The following ANO6 variants were observed in gnomAD, a reference collection of about 807,000 sequenced individuals.
ANO6 encodes the protein anoctamin 6.
In ANO6, 106 loss-of-function variants were observed where a neutral mutation model predicts 117.5. The observed-to-expected ratio is 0.90, with a 90% CI of 0.77 to 1.06. The LOEUF is 1.06. Ranked by LOEUF, ANO6 falls within the 50% of genes least tolerant of loss-of-function variation. The pLI is 0.00. For missense variants in ANO6, 955 were observed against 1,121.1 expected (o/e 0.85, Z 2.12); for synonymous variants, 367 against 385.1 (o/e 0.95, Z 0.55).
At chr12:45,332,432 T>TA (rs750898241) in intron 3 of ANO6, among the ~76,000 whole-genome samples, 4 of 152,054 alleles carry the variant, frequency 2.6e-5, no homozygotes, top group Non-Finnish European at 5.9e-5. Flanking sequence ...TAAAACCTTT[T>TA]AAAAAATGAA....
At chr12:45,303,894 T>C (rs1939580140) in intron 2 of ANO6, among the ~76,000 whole-genome samples, 1 of 152,210 alleles carries the variant, frequency 6.6e-6, no homozygotes, top group Admixed American at 6.5e-5. Context: ...ACAGAATTAT[T>C]GAGAGTCATA....
intron 7 of ANO6, among the ~76,000 whole-genome samples, chr12:45,352,814 T>A (rs1296294391): frequency 1.3e-5 from 2 of 152,182 alleles, no homozygotes. Context: ...AATGGTTTTT[T>A]AGTTCAAAGC....
intron 1 of ANO6, among the ~76,000 whole-genome samples, chr12:45,221,402 A>G (rs1378043972): frequency 6.6e-6 from 1 of 152,218 alleles, no homozygotes; most frequent in Non-Finnish European, 1.5e-5. Context: ...AGGAAAATGT[A>G]GTGCAGAGAT....
chr12:45,401,563 G>A (rs1299975093), intron 12 of ANO6, among the ~76,000 whole-genome samples: 1 of 152,082 alleles, frequency 6.6e-6, no homozygotes, highest in East Asian at 1.9e-4. Flanking sequence ...CCTGCACCCA[G>A]TTTCTCCTCT....
At chr12:45,334,621 AT>A (rs1940771929) in intron 3 of ANO6, among the ~76,000 whole-genome samples, 1 of 152,062 alleles carries the variant, frequency 6.6e-6, no homozygotes, top group South Asian at 2.1e-4. Context: ...TATGAATGGA[AT>A]TATTGCATAG....
chr12:45,342,895 G>A (rs1941020621), intron 3 of ANO6, among the ~76,000 whole-genome samples: 2 of 152,124 alleles, frequency 1.3e-5, no homozygotes, highest in African/African-American at 4.8e-5. Context: ...AGAAAAATGG[G>A]AGGTATTGCC....
chr12:45,410,052 G>A (rs1354665853), intron 16 of ANO6, among the ~76,000 whole-genome samples: 4 of 152,162 alleles, frequency 2.6e-5, no homozygotes, highest in Non-Finnish European at 4.4e-5. Context: ...CACTGGGCCC[G>A]GCCATCTTTA....
At chr12:45,288,731 A>T (rs902556693) in intron 1 of ANO6, among the ~76,000 whole-genome samples, 2 of 152,076 alleles carry the variant, frequency 1.3e-5, no homozygotes, top group Non-Finnish European at 2.9e-5. Context: ...ATATATTATA[A>T]TACATAACTT....
intron 12 of ANO6, among the ~76,000 whole-genome samples, chr12:45,396,606 A>G (rs1942621846): frequency 6.6e-6 from 1 of 152,254 alleles, no homozygotes; most frequent in Non-Finnish European, 1.5e-5. Context: ...TACAGTAACC[A>G]AAACAGCATG....
Position 45,316,454 on chromosome 12 carries a change from T to C in ANO6, c.150+14361T>C, listed in dbSNP as rs1363012081. ...AAAGGAGATTCTAGGAAGAGGGAAC[T>C]GCATGTGCAAAGATAGGAGGGAAAT... On this transcript the variant is annotated intron_variant, in intron 2 of 19. Coordinates refer to ENST00000320560, the MANE Select transcript of ANO6 (RefSeq NM_001025356.3). 2.0e-5 allele frequency among the ~76,000 whole-genome samples: 3 copies of C among 152,200 alleles called. No homozygotes were observed. In the East Asian group the frequency reaches 5.8e-4, roughly 29 times the overall value.
intron 3 of ANO6, chr12:45,335,442 A>C (rs571694164): frequency 6.6e-6 from 1 of 151,988 alleles, no homozygotes; most frequent in Non-Finnish European, 1.5e-5. Flanking sequence ...AAGTTTTACT[A>C]TGATGAACAT....
At chr12:45,396,463 G>A (rs887547721) in intron 12 of ANO6, among the ~76,000 whole-genome samples, 1 of 152,146 alleles carries the variant, frequency 6.6e-6, no homozygotes, top group Non-Finnish European at 1.5e-5. Flanking sequence ...AGCTACCAAT[G>A]ACTTTCTTCA....
intron 5 of ANO6, 87 bp from the exon 6 acceptor site, chr12:45,348,431 A>C: frequency 1.3e-6 from 2 of 1,551,310 alleles, no homozygotes; most frequent in Non-Finnish European, 1.8e-6. Flanking sequence ...GAAATATGCC[A>C]GCAGATTTGT....
At chr12:45,278,472 C>G (rs892700745) in intron 1 of ANO6, among the ~76,000 whole-genome samples, 5 of 152,172 alleles carry the variant, frequency 3.3e-5, no homozygotes, top group Non-Finnish European at 7.3e-5. Flanking sequence ...TTTTTCACCT[C>G]TTTTTGCTTA....
intron 1 of ANO6, among the ~76,000 whole-genome samples, chr12:45,263,692 T>A (rs1938122850): frequency 6.6e-6 from 1 of 152,090 alleles, no homozygotes; most frequent in Non-Finnish European, 1.5e-5. Flanking sequence ...AGTGAGTGTA[T>A]CCAACTGGGA....
At chr12:45,232,721 A>G (rs1263075459) in intron 1 of ANO6, among the ~76,000 whole-genome samples, 1 of 152,222 alleles carries the variant, frequency 6.6e-6, no homozygotes, top group Non-Finnish European at 1.5e-5. Context: ...TGCACCTTGC[A>G]AAGTGGTACT....
chr12:45,244,609 G>T (rs753358403), intron 1 of ANO6, among the ~76,000 whole-genome samples: 3 of 152,112 alleles, frequency 2.0e-5, no homozygotes, highest in Non-Finnish European at 2.9e-5. Flanking sequence ...GATAATTATG[G>T]TACAGAACTC....
intron 1 of ANO6, among the ~76,000 whole-genome samples, chr12:45,264,148 T>C (rs539228878): frequency 3.9e-5 from 6 of 152,330 alleles, no homozygotes; most frequent in African/African-American, 1.4e-4. Flanking sequence ...GGTCACCCCA[T>C]TACCTGCTGC....
At chr12:45,237,080 G>GT (rs1388695572) in intron 1 of ANO6, among the ~76,000 whole-genome samples, 2 of 152,098 alleles carry the variant, frequency 1.3e-5, no homozygotes, top group Non-Finnish European at 2.9e-5. Context: ...GGTGTCATTT[G>GT]TTTTTTTCTT....
Sources: allele counts gnomAD v4.1 joint callset (sites outside exome capture counted in the v4.1 genomes callset), GRCh38; gene constraint gnomAD v4.1.1; transcripts MANE v1.5; gene names NCBI Gene and HGNC (gene_info 2026-07-23, HGNC 2026-07-21).